COL19A1: variants seen among roughly 807,000 people sequenced by gnomAD.
COL19A1 encodes collagen type XIX alpha 1 chain, also known as collagen alpha-1(XIX) chain.
COL19A1 carries 159 observed loss-of-function variants against 190.2 expected under a neutral mutation model. The ratio of observed to expected loss-of-function variants is 0.84; its 90% CI spans 0.73 to 0.95. COL19A1 has a LOEUF of 0.95. Ranked by LOEUF, COL19A1 falls within the 40% of genes least tolerant of loss-of-function variation. COL19A1 has a pLI of 0.00. For synonymous variants in COL19A1, 509 were observed against 458.9 expected (o/e 1.11, Z -1.39); for missense variants, 1,418 against 1,431.9 (o/e 0.99, Z 0.16).
At position 70,035,912 on chromosome 6, in the gene COL19A1, A is replaced by G. The variant is rs111768349; in HGVS notation, c.1143A>G (p.Thr381=). The G allele has an allele frequency of 2.7e-5, 43 of 1,613,258 alleles. No individual in the cohort carries two copies. The African/African-American group carries it at 4.8e-4, about 18-fold the overall frequency. Reference sequence around the variant, plus strand: ...TCTTTAATCTATTTTAGGGAGATACAGGACCCCCAGGACCACCAGCCTTAC... The same window carrying G: ...TCTTTAATCTATTTTAGGGAGATACGGGACCCCCAGGACCACCAGCCTTAC... ...PPGPKGEKGD[T]GPPGPPALPG... Residue 381 remains threonine, a synonymous_variant, in exon 14 of 51, where the codon ACA becomes ACG. Transcript: ENST00000620364.
chr6:70,153,361 T>G (rs1156324364), intron 31 of COL19A1, among the ~76,000 whole-genome samples: 1 of 152,162 alleles, frequency 6.6e-6, no homozygotes, highest in Non-Finnish European at 1.5e-5. Flanking sequence ...TTCAAAGGCC[T>G]TCTTCTAGAT....
chr6:69,986,507 A>G (rs938583227), intron 11 of COL19A1, among the ~76,000 whole-genome samples: 1 of 152,156 alleles, frequency 6.6e-6, no homozygotes, highest in Non-Finnish European at 1.5e-5. Context: ...AAGTCTAGGC[A>G]TGTGCCTTGG....
chr6:69,997,508 A>G (rs1448603685), intron 11 of COL19A1, among the ~76,000 whole-genome samples: 3 of 152,196 alleles, frequency 2.0e-5, no homozygotes, highest in African/African-American at 7.2e-5. Context: ...TTAAGTGAAA[A>G]TATGACAATT....
At chr6:70,132,498 A>T (rs1411505707) in intron 18 of COL19A1, among the ~76,000 whole-genome samples, 1 of 152,190 alleles carries the variant, frequency 6.6e-6, no homozygotes, top group South Asian at 2.1e-4. Context: ...CTGAATCAAT[A>T]CATTAGTTTT....
At position 70,211,303 on chromosome 6, in the gene COL19A1, A is replaced by G. The variant is rs1768192480; in HGVS notation, c.*4029A>G. Among the ~76,000 whole-genome samples, 2 of 152,004 alleles carry G rather than the reference A, an allele frequency of 1.3e-5. No individual in the cohort carries two copies. Among genetic ancestry groups the G allele is most frequent in the Non-Finnish European group, 2.9e-5 (2 of 67,954 alleles). Reference sequence around the variant, plus strand: ...AGAATTTCTGTTAAGTGTTTTGCTGACGTTGTTTTAATGAATACTCAAAAA... The same window carrying G: ...AGAATTTCTGTTAAGTGTTTTGCTGGCGTTGTTTTAATGAATACTCAAAAA... On this transcript the variant is annotated 3_prime_UTR_variant, in exon 51 of 51. Coordinates refer to ENST00000620364, the MANE Select transcript of COL19A1 (RefSeq NM_001858.6).
At position 69,897,458 on chromosome 6, in the gene COL19A1, T is replaced by TACACACAC. The variant is rs71760023; in HGVS notation, c.92-1467_92-1460dup. Among the ~76,000 whole-genome samples the TACACACAC allele has an allele frequency of 5.1e-3, 736 of 145,306 alleles. 4 individuals carry two copies. The highest frequency in any genetic ancestry group is 0.028 in the East Asian group (143 of 5,088). On this transcript the variant is annotated intron_variant, in intron 2 of 50. Coordinates refer to ENST00000620364, the MANE Select transcript of COL19A1 (RefSeq NM_001858.6). ...AATTTGAGAATCAGCTTGTCAGTTT[T>TACACACAC]ACACACACACACACACACACACACA...
chr6:70,113,430 C>G lies in COL19A1; in HGVS notation c.1279-8450C>G, dbSNP rs533344450. Among the ~76,000 whole-genome samples, 3 of 152,298 alleles carry G rather than the reference C, an allele frequency of 2.0e-5. No individual in the cohort carries two copies. The South Asian group carries it at 6.2e-4, about 32-fold the overall frequency. ...GATATTTCATTTTCCCTGAGTGAGACAACTTTCCCACAACTGTTATCCACT... is the reference window on the plus strand; with the variant it reads ...GATATTTCATTTTCCCTGAGTGAGAGAACTTTCCCACAACTGTTATCCACT... On this transcript the variant is annotated intron_variant, in intron 16 of 50. Transcript: ENST00000620364.
chr6:70,161,824 T>C (rs1787826011), intron 34 of COL19A1, 76 bp from the exon 35 acceptor site: 5 of 1,180,638 alleles, frequency 4.2e-6, no homozygotes, highest in Non-Finnish European at 6.0e-6. Flanking sequence ...TGTTCAATGG[T>C]CAAAATATTT....
chr6:70,109,829 A>G (rs1784185941), intron 16 of COL19A1, among the ~76,000 whole-genome samples: 2 of 152,070 alleles, frequency 1.3e-5, no homozygotes, highest in African/African-American at 2.4e-5. Flanking sequence ...CATCACATCT[A>G]AGTCTTTTCT....
At chr6:70,031,590 C>T (rs755890623) in intron 12 of COL19A1, among the ~76,000 whole-genome samples, 2 of 152,170 alleles carry the variant, frequency 1.3e-5, no homozygotes, top group Admixed American at 6.6e-5. Flanking sequence ...GCTTACTTCA[C>T]TTAATATAAT....
Position 70,190,348 on chromosome 6 carries a change from T to C in COL19A1, c.3061T>C (p.Tyr1021His). 2 of 1,606,678 alleles carry C rather than the reference T, an allele frequency of 1.2e-6. No homozygotes were observed. Among genetic ancestry groups the C allele is most frequent in the South Asian group, 2.2e-5 (2 of 89,480 alleles). Reference protein sequence around the residue: ...DAVSFEEIKKYINQEVLRIFE... With the variant: ...DAVSFEEIKKHINQEVLRIFE... ...AGTTTCATTTGAAGAAATAAAGAAG[T>C]ATATTAATCAAGAGGTCCTAAGGAT... The change falls in exon 48 of 51, where the codon TAT (tyrosine) becomes CAT (histidine). Residue 1021 changes from tyrosine (Y) to histidine (H), a missense_variant. Transcript: ENST00000620364.
chr6:70,084,981 A>G lies in COL19A1; in HGVS notation c.1224+16505A>G, dbSNP rs1042609335. Reference sequence around the variant, plus strand: ...CTCTGAGTCTCAGTTCTTCAGTTATACAACCGAAATAATACTAATGGTACC... The same window carrying G: ...CTCTGAGTCTCAGTTCTTCAGTTATGCAACCGAAATAATACTAATGGTACC... On this transcript the variant is annotated intron_variant, in intron 15 of 50. Transcript: ENST00000620364. Among the ~76,000 whole-genome samples the G allele has an allele frequency of 2.6e-5, 4 of 152,306 alleles. No homozygotes were observed. In the South Asian group the frequency reaches 8.3e-4, roughly 32 times the overall value.
At chr6:70,046,484 C>T (rs796090632) in intron 14 of COL19A1, among the ~76,000 whole-genome samples, 13 of 152,254 alleles carry the variant, frequency 8.5e-5, no homozygotes, top group African/African-American at 2.9e-4. Flanking sequence ...TTTTACTCCA[C>T]AACAAAGTAA....
chr6:70,084,079 A>G (rs1430911157), intron 15 of COL19A1, among the ~76,000 whole-genome samples: 1 of 152,168 alleles, frequency 6.6e-6, no homozygotes, highest in Non-Finnish European at 1.5e-5. Context: ...TTTTACACAA[A>G]GATTTAAACA....
intron 4 of COL19A1, among the ~76,000 whole-genome samples, chr6:69,913,656 TG>T (rs1462488401): frequency 6.6e-6 from 1 of 152,088 alleles, no homozygotes; most frequent in Non-Finnish European, 1.5e-5. Context: ...TGAACACAGG[TG>T]AGAAGAATGT....
intron 11 of COL19A1, among the ~76,000 whole-genome samples, chr6:69,971,297 G>A (rs1040841474): frequency 2.6e-5 from 4 of 152,100 alleles, no homozygotes; most frequent in African/African-American, 7.2e-5. Context: ...AGAAATTTAA[G>A]AACATCTGTT....
At chr6:70,168,560 G>C (rs1030363118) in intron 39 of COL19A1, 95 bp from the exon 40 acceptor site, 8 of 1,107,832 alleles carry the variant, frequency 7.2e-6, no homozygotes, top group East Asian at 2.5e-5. Flanking sequence ...GCTAATATTC[G>C]TATGTGTATT....
chr6:69,897,471 A>G (rs1769866662), intron 2 of COL19A1, among the ~76,000 whole-genome samples: 1 of 151,962 alleles, frequency 6.6e-6, no homozygotes, highest in Admixed American at 6.6e-5. Context: ...ACACACACAC[A>G]CACACACACA....
intron 2 of COL19A1, among the ~76,000 whole-genome samples, chr6:69,893,019 C>T (rs181020852): frequency 1.4e-3 from 206 of 152,304 alleles, no homozygotes; most frequent in Middle Eastern, 6.8e-3. Context: ...AAATTTTGTT[C>T]ATAGGAGTAT....
Sources: gnomAD v4.1 joint callset for allele counts (sites outside exome capture counted in the v4.1 genomes callset) on GRCh38, gnomAD v4.1.1 for gene constraint, MANE v1.5 for transcripts, NCBI Gene and HGNC (gene_info 2026-07-23, HGNC 2026-07-21) for gene names.